The following CBL variants were observed in gnomAD, a reference collection of about 807,000 sequenced individuals.
CBL encodes the protein E3 ubiquitin-protein ligase CBL.
CBL carries 45 observed loss-of-function variants against 96.9 expected under a neutral mutation model. That is an observed-to-expected ratio of 0.46 (90% CI 0.37 to 0.60). The LOEUF (loss-of-function observed/expected upper bound fraction) is 0.60. Among genes scored for constraint, CBL ranks in the 20% least tolerant of loss-of-function variants. The probability of loss-of-function intolerance (pLI) is 0.00; values close to 1 mark genes in which losing one functional copy is unlikely to be tolerated. For missense variants in CBL, 1,024 were observed against 1,143.5 expected, an observed-to-expected ratio of 0.90 and a Z score of 1.51; for synonymous variants, 420 against 426.8, an observed-to-expected ratio of 0.98 and a Z score of 0.20.
chr11:119,299,079 C>T (rs551035846), intron 15 of CBL, among the ~76,000 whole-genome samples: 21 of 152,212 alleles, frequency 1.4e-4, no homozygotes, highest in Admixed American at 5.2e-4. Flanking sequence ...CTTGCCCAGA[C>T]GAGCAATGTC....
intron 2 of CBL, among the ~76,000 whole-genome samples, chr11:119,259,089 T>A (rs1332028933): frequency 6.6e-6 from 1 of 152,212 alleles, no homozygotes; most frequent in African/African-American, 2.4e-5. Flanking sequence ...AGGTTGGTCA[T>A]TGTTGATGTG....
intron 6 of CBL, among the ~76,000 whole-genome samples, chr11:119,277,512 C>CCTATG (rs1949899160): frequency 6.6e-6 from 1 of 152,102 alleles, no homozygotes; most frequent in African/African-American, 2.4e-5. Flanking sequence ...AAAGATAGAG[C>CCTATG]CTATGGCATT....
At chr11:119,222,247 G>A (rs1293371248) in intron 1 of CBL, among the ~76,000 whole-genome samples, 3 of 152,168 alleles carry the variant, frequency 2.0e-5, no homozygotes, top group African/African-American at 7.2e-5. Context: ...TGTTAGAAAA[G>A]ATTCTGTATT....
At chr11:119,257,839 TGTCAAAGATCA>T (rs1435103422) in intron 2 of CBL, among the ~76,000 whole-genome samples, 6 of 152,218 alleles carry the variant, frequency 3.9e-5, no homozygotes, top group Non-Finnish European at 8.8e-5. Flanking sequence ...TTGTATGCTT[TGTCAAAGATCA>T]GTTGGTTTTA....
intron 12 of CBL, among the ~76,000 whole-genome samples, chr11:119,288,469 G>C (rs1351610504): frequency 8.6e-6 from 1 of 115,674 alleles, no homozygotes; most frequent in Non-Finnish European, 1.9e-5. Context: ...CTCAGTGTTT[G>C]CACAGACAGA....
At chr11:119,271,662 G>C in intron 2 of CBL, 73 bp from the exon 3 acceptor site, 2 of 1,216,770 alleles carry the variant, frequency 1.6e-6, no homozygotes, top group South Asian at 2.5e-5. Flanking sequence ...TATACATCTT[G>C]TATGGTGAAT....
intron 4 of CBL, among the ~76,000 whole-genome samples, chr11:119,274,589 C>A (rs1419802813): frequency 6.6e-6 from 1 of 152,184 alleles, no homozygotes; most frequent in Non-Finnish European, 1.5e-5. Flanking sequence ...ATTAGAGCTG[C>A]TTTACAAATT....
At chr11:119,221,215 C>A (rs974394266) in intron 1 of CBL, among the ~76,000 whole-genome samples, 4 of 151,172 alleles carry the variant, frequency 2.6e-5, no homozygotes, top group Admixed American at 6.6e-5. Flanking sequence ...TGCATTCCAG[C>A]CTGGGTGACA....
intron 2 of CBL, among the ~76,000 whole-genome samples, chr11:119,250,136 C>G (rs1311947229): frequency 6.6e-6 from 1 of 152,164 alleles, no homozygotes; most frequent in Non-Finnish European, 1.5e-5. Flanking sequence ...TATAAATACT[C>G]CTAAGCTGTG....
intron 1 of CBL, among the ~76,000 whole-genome samples, chr11:119,209,102 C>T (rs923646607): frequency 6.6e-6 from 1 of 152,144 alleles, no homozygotes; most frequent in Non-Finnish European, 1.5e-5. Context: ...TAGTCTGATA[C>T]GTTTATACTG....
At chr11:119,229,635 A>G (rs1451065764) in intron 1 of CBL, among the ~76,000 whole-genome samples, 1 of 152,226 alleles carries the variant, frequency 6.6e-6, no homozygotes, top group African/African-American at 2.4e-5. Flanking sequence ...AACAAAAAAC[A>G]AAAACTTAAG....
intron 2 of CBL, among the ~76,000 whole-genome samples, chr11:119,271,002 T>G (rs1949844226): frequency 6.6e-6 from 1 of 152,244 alleles, no homozygotes; most frequent in Non-Finnish European, 1.5e-5. Context: ...AGCATCTCAT[T>G]TTTGGTAAAG....
chr11:119,304,957 A>T lies in CBL; in HGVS notation c.*5176A>T, dbSNP rs1293150662. ...CGTATTCTTAAAAAAAACTACACTC[A>T]GCCCAGCACATTGATCAAGTATCTA... is the stretch of plus-strand genomic sequence containing the variant. On this transcript the variant is annotated 3_prime_UTR_variant, in exon 16 of 16. Coordinates refer to ENST00000264033, the MANE Select transcript of CBL (RefSeq NM_005188.4). The T allele has an allele frequency of 4.9e-6, 1 of 203,088 alleles. No homozygotes were observed. Among genetic ancestry groups the T allele is most frequent in the Non-Finnish European group, 1.0e-5 (1 of 98,938 alleles). 12.6% of individuals were successfully genotyped at this position (203,088 alleles called of 1,614,324 possible).
At chr11:119,213,961 T>G (rs1266036925) in intron 1 of CBL, among the ~76,000 whole-genome samples, 1 of 150,420 alleles carries the variant, frequency 6.6e-6, no homozygotes, top group Non-Finnish European at 1.5e-5. Flanking sequence ...TCTTTTTTTT[T>G]GAGACGGAGT....
At chr11:119,230,375 C>T (rs1398692595) in intron 1 of CBL, among the ~76,000 whole-genome samples, 3 of 151,870 alleles carry the variant, frequency 2.0e-5, no homozygotes, top group Non-Finnish European at 4.4e-5. Context: ...CTCCTGACCT[C>T]GTGATCCGCC....
intron 3 of CBL, among the ~76,000 whole-genome samples, chr11:119,272,471 T>A (rs917906708): frequency 9.9e-5 from 15 of 152,220 alleles, no homozygotes; most frequent in African/African-American, 3.6e-4. Flanking sequence ...CTATCAGCAG[T>A]GAGCAATATC....
chr11:119,247,568 TG>T (rs1207750478), intron 2 of CBL, among the ~76,000 whole-genome samples: 1 of 152,220 alleles, frequency 6.6e-6, no homozygotes, highest in East Asian at 1.9e-4. Context: ...CCCAGCACTA[TG>T]GGAGGCCGAG....
rs371679886 is a variant in CBL, at chr11:119,278,519, G to A, written c.1237G>A (p.Gly413Ser). 1 of 1,614,058 alleles carries A rather than the reference G, an allele frequency of 6.2e-7. No individual in the cohort carries two copies. The highest frequency in any genetic ancestry group is 8.5e-7 in the Non-Finnish European group (1 of 1,179,932). ...SCLTSWQESE[G>S]QGCPFCRCEI... ...TTTGCTTCTTCTGCAGGAATCAGAA[G>A]GTCAGGGCTGTCCTTTCTGCCGATG... The change falls in exon 9 of 16, where the codon GGT (glycine) becomes AGT (serine). Residue 413 changes from glycine to serine, a missense_variant. Coordinates refer to ENST00000264033, the MANE Select transcript of CBL (RefSeq NM_005188.4).
At chr11:119,243,792 G>T (rs1418527487) in intron 2 of CBL, among the ~76,000 whole-genome samples, 2 of 151,910 alleles carry the variant, frequency 1.3e-5, no homozygotes, top group African/African-American at 4.8e-5. Flanking sequence ...GCAGAGGTGT[G>T]ATCACAGCTC....
Sources: allele counts gnomAD v4.1 joint callset (sites outside exome capture counted in the v4.1 genomes callset), GRCh38; gene constraint gnomAD v4.1.1; transcripts MANE v1.5; gene names NCBI Gene and HGNC (gene_info 2026-07-23, HGNC 2026-07-21).